Variants in TRIP4 observed in about 807,000 individuals in gnomAD.
TRIP4 encodes the protein thyroid hormone receptor interactor 4.
TRIP4 carries 54 observed loss-of-function variants against 81.8 expected under a neutral mutation model. The ratio of observed to expected loss-of-function variants is 0.66; its 90% CI spans 0.53 to 0.83. The LOEUF (loss-of-function observed/expected upper bound fraction) is 0.83, where lower values mean the gene tolerates loss of function less well. Ranked by LOEUF, TRIP4 falls within the 40% of genes least tolerant of loss-of-function variation. TRIP4 has a pLI of 0.00. For synonymous variants in TRIP4, 270 were observed against 242.8 expected (o/e 1.11, Z -1.04); for missense variants, 662 against 683.6 (o/e 0.97, Z 0.35).
intron 11 of TRIP4, among the ~76,000 whole-genome samples, chr15:64,432,180 T>G (rs999205384): frequency 1.3e-5 from 2 of 151,600 alleles, no homozygotes; most frequent in Non-Finnish European, 2.9e-5. Context: ...CCACCATGCC[T>G]GGCTGAGCAT....
In TRIP4 at chr15:64,395,739, CT is replaced by C. The variant is rs5813297; in HGVS notation, c.405+224del. Among the ~76,000 whole-genome samples the C allele has an allele frequency of 0.07, 9,573 of 136,558 alleles. 292 individuals carry two copies. Among genetic ancestry groups the C allele is most frequent in the South Asian group, 0.09 (384 of 4,254 alleles). 89.6% of individuals were successfully genotyped at this position (136,558 alleles called of 152,430 possible). ...GATTAGTATTATAAAGACATCTTTG[CT>C]TTTTTTTTTTTTTTTCCCCAAGACA... On this transcript the variant is annotated intron_variant, in intron 3 of 12. Transcript: ENST00000261884.
chr15:64,410,374 T>G lies in TRIP4; in HGVS notation c.1043+546T>G, dbSNP rs1055995819. Among the ~76,000 whole-genome samples the G allele has an allele frequency of 2.6e-5, 4 of 152,262 alleles. No individual in the cohort carries two copies. The East Asian group carries it at 5.8e-4, about 22-fold the overall frequency. On this transcript the variant is annotated intron_variant, in intron 7 of 12. Coordinates refer to ENST00000261884, the MANE Select transcript of TRIP4 (RefSeq NM_016213.5). ...GATATAGTATGGGCACAGAAATAGATCAATGAAACAGAATCCAGAAAGAGA... is the reference window on the plus strand; with the variant it reads ...GATATAGTATGGGCACAGAAATAGAGCAATGAAACAGAATCCAGAAAGAGA...
At chr15:64,391,100 CTT>C (rs890287807) in intron 1 of TRIP4, among the ~76,000 whole-genome samples, 8 of 152,136 alleles carry the variant, frequency 5.3e-5, no homozygotes, top group Admixed American at 1.3e-4. Flanking sequence ...AATGTACTAA[CTT>C]GAACAATTTT....
At chr15:64,454,888 GA>G in intron 12 of TRIP4, 108 bp from the exon 13 acceptor site, 1 of 955,308 alleles carries the variant, frequency 1.0e-6, no homozygotes, top group Non-Finnish European at 1.6e-6. Flanking sequence ...CCTGAAGTAA[GA>G]TAATTGAATG....
intron 12 of TRIP4, among the ~76,000 whole-genome samples, chr15:64,447,758 C>G (rs543914095): frequency 6.6e-6 from 1 of 152,308 alleles, no homozygotes; most frequent in African/African-American, 2.4e-5. Flanking sequence ...GTCACCCAGC[C>G]TGGAGTGCAG....
At chr15:64,415,774 G>T (rs1402847738) in intron 8 of TRIP4, among the ~76,000 whole-genome samples, 2 of 152,158 alleles carry the variant, frequency 1.3e-5, no homozygotes, top group Non-Finnish European at 2.9e-5. Context: ...ATTTTGGGGG[G>T]ATACTACTCA....
chr15:64,424,224 ACTTC>A, intron 10 of TRIP4, 69 bp downstream of exon 10: 1 of 1,591,134 alleles, frequency 6.3e-7, no homozygotes, highest in Non-Finnish European at 8.6e-7. Context: ...ATCTTCTTTC[ACTTC>A]CTTCTTTCTT....
rs1168735705 is a variant in TRIP4, at chr15:64,395,620, C to G, written c.405+89C>G. The G allele has an allele frequency of 3.6e-6, 5 of 1,390,032 alleles. No individual in the cohort carries two copies. In the East Asian group the frequency reaches 9.7e-5, roughly 27 times the overall value. 86.1% of individuals were successfully genotyped at this position (1,390,032 alleles called of 1,614,324 possible). A position where few individuals can be genotyped will look rare whatever the true frequency, so the allele number is the denominator to read the frequency against. On this transcript the variant is annotated intron_variant, in intron 3 of 12. Coordinates refer to ENST00000261884, the MANE Select transcript of TRIP4 (RefSeq NM_016213.5). ...CAGAGAGCAAAGTGTACAAATTGGT[C>G]TAGAATGGCAATTTTTCAACAAATG...
At chr15:64,454,500 G>C (rs1892842548) in intron 12 of TRIP4, among the ~76,000 whole-genome samples, 1 of 152,122 alleles carries the variant, frequency 6.6e-6, no homozygotes, top group African/African-American at 2.4e-5. Flanking sequence ...TGTCAGTAAA[G>C]CATTCATGTG....
intron 9 of TRIP4, among the ~76,000 whole-genome samples, chr15:64,422,730 G>A (rs947194368): frequency 1.1e-4 from 16 of 152,206 alleles, no homozygotes; most frequent in African/African-American, 3.6e-4. Context: ...TCTCACAGAA[G>A]CGAAAGAATG....
At position 64,409,689 on chromosome 15, in the gene TRIP4, G is replaced by T. The variant is rs1240709593; in HGVS notation, c.904G>T (p.Glu302Ter). ...TTCTAACCAATGGTTGTCCAAACTT[G>T]AGCGGGAAACCTTGCAGAAGCGAGA... ...SDSNQWLSKL[E>*]RETLQKREEE... Residue 302 changes from glutamate to a stop codon, truncating the protein, a stop_gained, in exon 7 of 13, where the codon GAG (glutamate) becomes TAG (stop). Transcript: ENST00000261884. LOFTEE classifies it high-confidence loss of function. 1 of 1,614,052 alleles carries T rather than the reference G, an allele frequency of 6.2e-7. No individual in the cohort carries two copies. Among genetic ancestry groups the T allele is most frequent in the Non-Finnish European group, 8.5e-7 (1 of 1,180,050 alleles).
At chr15:64,413,828 C>T (rs561935430) in intron 7 of TRIP4, among the ~76,000 whole-genome samples, 3 of 152,178 alleles carry the variant, frequency 2.0e-5, no homozygotes, top group East Asian at 1.9e-4. Flanking sequence ...CCTTGTGATC[C>T]GCCCTCCTTG....
At chr15:64,426,246 T>C (rs1451053929) in intron 11 of TRIP4, among the ~76,000 whole-genome samples, 1 of 152,152 alleles carries the variant, frequency 6.6e-6, no homozygotes, top group Non-Finnish European at 1.5e-5. Flanking sequence ...TCTGGAGCTT[T>C]TGGTCCAGGC....
At chr15:64,420,694 G>T (rs1891993186) in intron 9 of TRIP4, among the ~76,000 whole-genome samples, 1 of 151,618 alleles carries the variant, frequency 6.6e-6, no homozygotes, top group Non-Finnish European at 1.5e-5. Context: ...CAGCTAATTT[G>T]TGTATGTGTG....
intron 11 of TRIP4, among the ~76,000 whole-genome samples, chr15:64,426,516 A>G (rs1010687169): frequency 6.6e-6 from 1 of 152,096 alleles, no homozygotes; most frequent in African/African-American, 2.4e-5. Context: ...CCTGGCCAAC[A>G]TGGTGAAACC....
At chr15:64,436,060 C>T (rs1892388598) in intron 11 of TRIP4, among the ~76,000 whole-genome samples, 1 of 151,920 alleles carries the variant, frequency 6.6e-6, no homozygotes, top group Admixed American at 6.6e-5. Context: ...TTTGGGAGGC[C>T]GACGCATTTG....
At chr15:64,443,159 A>G (rs916835481) in intron 11 of TRIP4, among the ~76,000 whole-genome samples, 8 of 152,212 alleles carry the variant, frequency 5.3e-5, no homozygotes, top group African/African-American at 1.9e-4. Flanking sequence ...GGGAGTACAG[A>G]TAATCTTTTG....
chr15:64,416,572 T>A lies in TRIP4; in HGVS notation c.1171-1969T>A, dbSNP rs190666470. ...ACAGTGTCTCAAAAAAAATTTTTTT[T>A]AAAGAAATTATTTATTTACCCTATA... is the stretch of plus-strand genomic sequence containing the variant. On this transcript the variant is annotated intron_variant, in intron 8 of 12. Coordinates refer to ENST00000261884, the MANE Select transcript of TRIP4 (RefSeq NM_016213.5). 1.6e-3 allele frequency among the ~76,000 whole-genome samples: 245 copies of A among 152,254 alleles called. 2 individuals are homozygous for A. Among genetic ancestry groups the A allele is most frequent in the Admixed American group, 0.015 (225 of 15,266 alleles).
chr15:64,388,356 G>T (rs1900014207), intron 1 of TRIP4, among the ~76,000 whole-genome samples: 1 of 152,106 alleles, frequency 6.6e-6, no homozygotes, highest in Non-Finnish European at 1.5e-5. Context: ...GCCCAGGCTG[G>T]CGTGCGGTGG....
Sources: gnomAD v4.1 joint callset for allele counts (sites outside exome capture counted in the v4.1 genomes callset) on GRCh38, gnomAD v4.1.1 for gene constraint, MANE v1.5 for transcripts, NCBI Gene and HGNC (gene_info 2026-07-23, HGNC 2026-07-21) for gene names.